DMD: variants seen among roughly 807,000 people sequenced by gnomAD.
The protein encoded by DMD is dystrophin, also known as mutant dystrophin.
A neutral mutation model predicts 330.1 loss-of-function variants in DMD; 63 were observed. That is an observed-to-expected ratio of 0.19 (90% CI 0.16 to 0.24). The LOEUF (loss-of-function observed/expected upper bound fraction) is 0.24. Among genes scored for constraint, DMD ranks in the 10% least tolerant of loss-of-function variants. The pLI is 1.00. For synonymous variants in DMD, 1,223 were observed against 959.8 expected (o/e 1.27, Z -5.07); for missense variants, 3,344 against 2,684.1 (o/e 1.25, Z -5.43).
intron 44 of DMD, among the ~76,000 whole-genome samples, chrX:32,015,711 A>G (rs189079404): frequency 8.9e-6 from 1 of 112,107 alleles, no homozygotes; most frequent in African/African-American, 3.2e-5. Flanking sequence ...CCTTTGGATT[A>G]GAGAAACAAG....
chrX:32,402,653 T>C (rs1417343918), intron 30 of DMD, among the ~76,000 whole-genome samples: 2 of 111,694 alleles, frequency 1.8e-5, no homozygotes, highest in African/African-American at 6.5e-5. Flanking sequence ...AGGTAATACA[T>C]AAAGAGGCTA....
chrX:31,528,537 G>C (rs1184378637), intron 55 of DMD, among the ~76,000 whole-genome samples: 1 of 112,431 alleles, frequency 8.9e-6, no homozygotes. Flanking sequence ...GTGAACACTG[G>C]AGAACAGAAC....
intron 59 of DMD, among the ~76,000 whole-genome samples, chrX:31,472,470 G>T (rs1027259150): frequency 2.7e-5 from 3 of 112,183 alleles, no homozygotes; most frequent in Admixed American, 9.4e-5. Context: ...GCATGAACAT[G>T]GTTGCAAGTA....
intron 50 of DMD, among the ~76,000 whole-genome samples, chrX:31,810,184 G>C (rs2092417988): frequency 9.0e-6 from 1 of 111,331 alleles, no homozygotes. Flanking sequence ...ACAGAGTCAT[G>C]GGAAGACCAG....
At chrX:32,350,048 G>T (rs2097776269) in intron 37 of DMD, among the ~76,000 whole-genome samples, 1 of 111,179 alleles carries the variant, frequency 9.0e-6, no homozygotes. Context: ...GTTCACATTT[G>T]CTAATATTTA....
intron 50 of DMD, among the ~76,000 whole-genome samples, chrX:31,801,160 T>C (rs1215080596): frequency 8.9e-6 from 1 of 111,748 alleles, no homozygotes; most frequent in Non-Finnish European, 1.9e-5. Context: ...AGAGGTTTAA[T>C]AGACTCACAG....
chrX:31,658,210 C>T (rs928496036), intron 53 of DMD, 66 bp from the exon 54 acceptor site: 72 of 1,108,790 alleles, frequency 6.5e-5, no homozygotes, highest in Non-Finnish European at 8.8e-5. Flanking sequence ...GTTGGAGTGT[C>T]TTAAAATACT....
chrX:31,158,647 C>T (rs1032861637), intron 74 of DMD, among the ~76,000 whole-genome samples: 3 of 111,631 alleles, frequency 2.7e-5, no homozygotes, highest in Non-Finnish European at 5.6e-5. Context: ...TCCTATGGTA[C>T]GAGAATTATA....
chrX:31,189,467 G>A (rs2042108874), intron 67 of DMD, among the ~76,000 whole-genome samples: 1 of 111,241 alleles, frequency 9.0e-6, no homozygotes, highest in Non-Finnish European at 1.9e-5. Context: ...TACGCATTTG[G>A]TTGAAAACGA....
At chrX:31,949,104 A>G (rs189110882) in intron 45 of DMD, among the ~76,000 whole-genome samples, 18 of 111,179 alleles carry the variant, frequency 1.6e-4, no homozygotes, top group African/African-American at 5.5e-4. Flanking sequence ...TGTTTTGGCT[A>G]TTTGGTACAT....
At chrX:32,195,362 A>G (rs1304673438) in intron 44 of DMD, among the ~76,000 whole-genome samples, 1 of 111,511 alleles carries the variant, frequency 9.0e-6, no homozygotes, top group East Asian at 2.8e-4. Flanking sequence ...GAGTTATTCA[A>G]CTAAAGATGG....
chrX:31,413,696 G>A (rs949944259), intron 60 of DMD, among the ~76,000 whole-genome samples: 12 of 111,608 alleles, frequency 1.1e-4, no homozygotes, highest in Admixed American at 5.7e-4. Context: ...ATTCCTCCTT[G>A]GGCATGGTTA....
intron 7 of DMD, among the ~76,000 whole-genome samples, chrX:32,782,815 G>A (rs752790728): frequency 3.7e-5 from 4 of 108,355 alleles, no homozygotes; most frequent in Non-Finnish European, 7.7e-5. Flanking sequence ...CTCATGACGT[G>A]CTTATTCCAT....
chrX:32,302,081 A>T (rs774774265), intron 42 of DMD, among the ~76,000 whole-genome samples: 1 of 111,322 alleles, frequency 9.0e-6, no homozygotes, highest in South Asian at 3.7e-4. Context: ...TAGCCTCGGA[A>T]ATACACATGG....
At chrX:32,057,640 G>T (rs1326889044) in intron 44 of DMD, among the ~76,000 whole-genome samples, 1 of 111,255 alleles carries the variant, frequency 9.0e-6, no homozygotes, top group Non-Finnish European at 1.9e-5. Context: ...AAATACATCT[G>T]ATGTGTCATT....
intron 29 of DMD, among the ~76,000 whole-genome samples, chrX:32,419,459 A>T (rs2098180622): frequency 8.9e-6 from 1 of 112,456 alleles, no homozygotes; most frequent in Non-Finnish European, 1.9e-5. Flanking sequence ...GGGCTTTGGT[A>T]CAGTGGTTTT....
intron 5 of DMD, among the ~76,000 whole-genome samples, chrX:32,817,553 C>T (rs931240785): frequency 1.8e-5 from 2 of 111,790 alleles, no homozygotes; most frequent in Non-Finnish European, 3.8e-5. Flanking sequence ...TTAAAGACTG[C>T]TTTTTAAATA....
chrX:32,864,888 G>A (rs992005721), intron 2 of DMD, among the ~76,000 whole-genome samples: 1 of 111,930 alleles, frequency 8.9e-6, no homozygotes, highest in Non-Finnish European at 1.9e-5. Flanking sequence ...ATTAAATGAG[G>A]TAGTAGTAAA....
chrX:32,563,914 GT>G (rs2051363116), intron 16 of DMD, among the ~76,000 whole-genome samples: 1 of 111,447 alleles, frequency 9.0e-6, no homozygotes, highest in South Asian at 3.8e-4. Flanking sequence ...TGTTACATAG[GT>G]AAATGTGTGT....
Sources: allele counts gnomAD v4.1 joint callset (sites outside exome capture counted in the v4.1 genomes callset), GRCh38; gene constraint gnomAD v4.1.1; transcripts MANE v1.5; gene names NCBI Gene and HGNC (gene_info 2026-07-23, HGNC 2026-07-21).